MAGI2: variants seen among roughly 807,000 people sequenced by gnomAD.
MAGI2 encodes the protein membrane-associated guanylate kinase, WW and PDZ domain-containing protein 2.
MAGI2 carries 35 observed loss-of-function variants against 133.3 expected under a neutral mutation model. The ratio of observed to expected loss-of-function variants is 0.26; its 90% confidence interval spans 0.20 to 0.35. The LOEUF is 0.35. Ranked by LOEUF, MAGI2 falls within the 10% of genes least tolerant of loss-of-function variation. The pLI is 1.00. For missense variants in MAGI2, 1,636 were observed against 1,863.4 expected, an observed-to-expected ratio of 0.88 and a Z score of 2.25; for synonymous variants, 729 against 710.6, an observed-to-expected ratio of 1.03 and a Z score of -0.41.
chr7:78,924,145 G>T (rs1340583217), intron 2 of MAGI2, among the ~76,000 whole-genome samples: 1 of 152,118 alleles, frequency 6.6e-6, no homozygotes, highest in Non-Finnish European at 1.5e-5. Context: ...TGCAAACAGG[G>T]ACAATTTGAC....
At chr7:79,446,705 C>A (rs1410617234) in intron 1 of MAGI2, among the ~76,000 whole-genome samples, 2 of 152,150 alleles carry the variant, frequency 1.3e-5, no homozygotes, top group Non-Finnish European at 2.9e-5. Flanking sequence ...AATCCCAGCC[C>A]TTTGGGAGAC....
intron 2 of MAGI2, among the ~76,000 whole-genome samples, chr7:78,693,264 T>A (rs1404359243): frequency 6.6e-6 from 1 of 152,182 alleles, no homozygotes; most frequent in Admixed American, 6.5e-5. Context: ...AATATAGTGC[T>A]GGGGACAAAT....
chr7:79,299,554 C>CAAAAAAAAA (rs57740248), intron 1 of MAGI2, among the ~76,000 whole-genome samples: 7,315 of 84,638 alleles, frequency 0.086, 2,097 homozygotes, highest in Non-Finnish European at 0.098. Flanking sequence ...GACTCCATCT[C>CAAAAAAAAA]AAAAAAAAAA....
chr7:78,891,748 T>C (rs1181618552), intron 2 of MAGI2, among the ~76,000 whole-genome samples: 1 of 152,198 alleles, frequency 6.6e-6, no homozygotes, highest in Non-Finnish European at 1.5e-5. Flanking sequence ...AAGAGCTATC[T>C]ATGACAAACC....
At chr7:78,613,037 G>A (rs1237304189) in intron 3 of MAGI2, among the ~76,000 whole-genome samples, 1 of 152,154 alleles carries the variant, frequency 6.6e-6, no homozygotes, top group Non-Finnish European at 1.5e-5. Context: ...GAAATAAAAT[G>A]TCATTTAAAT....
chr7:79,236,266 T>C (rs573536983), intron 1 of MAGI2, among the ~76,000 whole-genome samples: 13 of 152,346 alleles, frequency 8.5e-5, no homozygotes, highest in African/African-American at 3.1e-4. Flanking sequence ...AATGGGTTAA[T>C]ACATGATCAA....
chr7:78,270,163 A>T (rs1088558), intron 9 of MAGI2, among the ~76,000 whole-genome samples: 7 of 152,074 alleles, frequency 4.6e-5, no homozygotes, highest in Admixed American at 4.6e-4. Flanking sequence ...GTTTGTGTTA[A>T]TGTAGCCTTG....
At position 79,122,011 on chromosome 7, in the gene MAGI2, T is replaced by C. The variant is rs1819945660; in HGVS notation, c.302-114805A>G. 2.6e-5 allele frequency among the ~76,000 whole-genome samples: 4 copies of C among 152,304 alleles called. 1 individual carries two copies. In the South Asian group the frequency reaches 8.3e-4, roughly 32 times the overall value. On this transcript the variant is annotated intron_variant, in intron 1 of 21. Transcript: ENST00000354212. ...GCTATATCACTTTGTATTCCCACAG[T>C]ACTTAAAAAGAGATCACTGTATATA...
At chr7:79,186,729 GTATATATATATTTATACAAAAGTA>G (rs1345029945) in intron 1 of MAGI2, among the ~76,000 whole-genome samples, 27 of 121,922 alleles carry the variant, frequency 2.2e-4, no homozygotes, top group South Asian at 4.9e-4. Flanking sequence ...TTATACAAAA[GTATATATATATTTATACAAAAGTA>G]TATATATATA....
chr7:79,287,914 T>C lies in MAGI2; in HGVS notation c.301+165106A>G, dbSNP rs565335855. Among the ~76,000 whole-genome samples, 249 of 152,172 alleles carry C rather than the reference T, an allele frequency of 1.6e-3. 2 individuals are homozygous for C. The highest frequency in any genetic ancestry group is 0.013 in the South Asian group (64 of 4,820). On this transcript the variant is annotated intron_variant, in intron 1 of 21. Transcript: ENST00000354212. The stretch of plus-strand genomic sequence containing the variant: ...GCAATTTTAATCTTTTTTCTGATTC[T>C]AGAAATTATATAAAATGTAGAACAT...
At chr7:78,392,075 A>C (rs1795941836) in intron 6 of MAGI2, among the ~76,000 whole-genome samples, 1 of 152,174 alleles carries the variant, frequency 6.6e-6, no homozygotes, top group Non-Finnish European at 1.5e-5. Context: ...GCTAAATAAG[A>C]CAGAAGGGAT....
intron 2 of MAGI2, among the ~76,000 whole-genome samples, chr7:78,733,217 G>A (rs1821533201): frequency 1.3e-5 from 2 of 152,098 alleles, no homozygotes; most frequent in Admixed American, 1.3e-4. Context: ...TACTATAAAA[G>A]CCTTTACTAG....
chr7:78,687,657 T>C (rs1459489349), intron 2 of MAGI2, among the ~76,000 whole-genome samples: 1 of 151,932 alleles, frequency 6.6e-6, no homozygotes, highest in Non-Finnish European at 1.5e-5. Context: ...AAGGAAAAAA[T>C]GAGCTTCTAA....
intron 2 of MAGI2, among the ~76,000 whole-genome samples, chr7:78,873,531 C>T (rs1795195465): frequency 6.6e-6 from 1 of 152,050 alleles, no homozygotes; most frequent in African/African-American, 2.4e-5. Flanking sequence ...TCTCCCATCA[C>T]CCCCAGATGG....
Position 78,489,851 on chromosome 7 carries a change from A to G in MAGI2, c.966-11T>C, listed in dbSNP as rs1174810560. 3.1e-6 allele frequency: 5 copies of G among 1,605,754 alleles called. No homozygotes were observed. Among genetic ancestry groups the G allele is most frequent in the Non-Finnish European group, 4.3e-6 (5 of 1,173,194 alleles). ...GTCTTTGTGTTATGGCTGAAAAGAAAAGAGATCACTCTGAACAGACACATA... is the reference window on the plus strand; with the variant it reads ...GTCTTTGTGTTATGGCTGAAAAGAAGAGAGATCACTCTGAACAGACACATA... On this transcript the variant is annotated splice_polypyrimidine_tract_variant and intron_variant, in intron 5 of 21. Transcript: ENST00000354212.
chr7:79,052,906 T>C (rs1812804646), intron 1 of MAGI2, among the ~76,000 whole-genome samples: 1 of 152,132 alleles, frequency 6.6e-6, no homozygotes, highest in African/African-American at 2.4e-5. Context: ...TTTATTATCA[T>C]TAATCTTTAA....
intron 2 of MAGI2, among the ~76,000 whole-genome samples, chr7:78,723,511 G>T (rs144937319): frequency 1.0e-3 from 153 of 152,268 alleles, no homozygotes; most frequent in African/African-American, 3.5e-3. Context: ...ACATCATGAA[G>T]GATGCAGTAT....
chr7:78,073,006 G>A (rs1814875015), intron 21 of MAGI2: 1 of 398,426 alleles, frequency 2.5e-6, no homozygotes, highest in African/African-American at 2.1e-5. Flanking sequence ...ATTACTTATT[G>A]CTATCTACAT....
intron 1 of MAGI2, among the ~76,000 whole-genome samples, chr7:79,443,586 C>T (rs1437136404): frequency 6.6e-6 from 1 of 151,996 alleles, no homozygotes; most frequent in Non-Finnish European, 1.5e-5. Context: ...CATAGCAACA[C>T]AAAATACTCA....
Sources: allele counts gnomAD v4.1 joint callset (sites outside exome capture counted in the v4.1 genomes callset), GRCh38; gene constraint gnomAD v4.1.1; transcripts MANE v1.5; gene names NCBI Gene and HGNC (gene_info 2026-07-23, HGNC 2026-07-21).